Variants in CHLSN observed in about 807,000 individuals in gnomAD.
The protein encoded by CHLSN is cholesin, also known as protein cholesin.
At chr7:1,008,765 T>C in the CHLSN span, among the ~76,000 whole-genome samples, 2 of 151,862 alleles carry the variant, frequency 1.3e-5, no homozygotes, top group African/African-American at 4.8e-5. Context: ...CACACGTGCA[T>C]AAACACACAC....
At chr7:1,043,744 T>A in the CHLSN span, 1 of 152,254 alleles carries the variant, frequency 6.6e-6, no homozygotes, top group Non-Finnish European at 1.5e-5. Context: ...TCCAGGAAGG[T>A]GGCTGAGGTA....
chr7:1,036,451 G>C, the CHLSN span, among the ~76,000 whole-genome samples: 4 of 126,904 alleles, frequency 3.2e-5, no homozygotes, highest in South Asian at 5.1e-4. Context: ...TCGGGTGCTC[G>C]TGGTGTGGCC....
the CHLSN span, among the ~76,000 whole-genome samples, chr7:982,552 C>T: frequency 1.3e-5 from 2 of 152,268 alleles, no homozygotes; most frequent in Non-Finnish European, 2.9e-5. Flanking sequence ...CAGAGGGTTG[C>T]ATCCCCTGCC....
At chr7:993,319 C>T in the CHLSN span, among the ~76,000 whole-genome samples, 4 of 152,136 alleles carry the variant, frequency 2.6e-5, no homozygotes, top group Admixed American at 6.5e-5. Flanking sequence ...GAGCAAGAGC[C>T]GAGGGACTGG....
At chr7:1,127,193 C>A in the CHLSN span, 2 of 1,510,892 alleles carry the variant, frequency 1.3e-6, no homozygotes, top group East Asian at 2.3e-5. Context: ...CACCCCCTCT[C>A]CCTCCAGATC....
the CHLSN span, among the ~76,000 whole-genome samples, chr7:1,060,134 T>C: frequency 6.6e-6 from 1 of 152,078 alleles, no homozygotes; most frequent in East Asian, 1.9e-4. Context: ...TTGTAAAACA[T>C]CTACTTTAAA....
At chr7:1,028,603 G>C in the CHLSN span, 10 of 982,266 alleles carry the variant, frequency 1.0e-5, no homozygotes, top group African/African-American at 1.8e-5. Context: ...GCGCACCCCC[G>C]CCCGCGCAGG....
chr7:1,034,096 G>A, the CHLSN span, among the ~76,000 whole-genome samples: 1 of 152,250 alleles, frequency 6.6e-6, no homozygotes, highest in African/African-American at 2.4e-5. Context: ...GGTTCAGAAG[G>A]CATGGGACCG....
At chr7:996,332 T>A in the CHLSN span, among the ~76,000 whole-genome samples, 1 of 152,194 alleles carries the variant, frequency 6.6e-6, no homozygotes, top group Admixed American at 6.5e-5. Flanking sequence ...CAGCCTGACC[T>A]CAGCCTCAGG....
the CHLSN span, among the ~76,000 whole-genome samples, chr7:1,015,667 G>T: frequency 6.6e-6 from 1 of 152,222 alleles, no homozygotes; most frequent in Non-Finnish European, 1.5e-5. Flanking sequence ...TAACCCAGAG[G>T]GTTGGTGGGC....
the CHLSN span, among the ~76,000 whole-genome samples, chr7:1,001,018 G>A: frequency 1.3e-5 from 2 of 152,202 alleles, no homozygotes; most frequent in South Asian, 2.1e-4. Context: ...AGCAGCTCCC[G>A]GCTGCTAGAG....
the CHLSN span, among the ~76,000 whole-genome samples, chr7:1,022,433 A>C: frequency 1.3e-5 from 2 of 152,246 alleles, no homozygotes; most frequent in Non-Finnish European, 2.9e-5. Flanking sequence ...TTAGAATCCC[A>C]CGGCGTTAAC....
At chr7:1,018,785 A>G in the CHLSN span, among the ~76,000 whole-genome samples, 1 of 152,184 alleles carries the variant, frequency 6.6e-6, no homozygotes, top group Non-Finnish European at 1.5e-5. Flanking sequence ...CCTCAAAAAA[A>G]AAAATCAATA....
At chr7:1,020,828 G>A in the CHLSN span, among the ~76,000 whole-genome samples, 1 of 152,198 alleles carries the variant, frequency 6.6e-6, no homozygotes, top group Non-Finnish European at 1.5e-5. Flanking sequence ...TGAAACGGAG[G>A]AGTGCAGGGG....
chr7:1,101,649 G>A, the CHLSN span, among the ~76,000 whole-genome samples: 7 of 152,214 alleles, frequency 4.6e-5, no homozygotes, highest in Non-Finnish European at 7.3e-5. Context: ...GGACCGTCCC[G>A]TGTCCCAGCA....
chr7:993,740 G>A, the CHLSN span, among the ~76,000 whole-genome samples: 1 of 152,196 alleles, frequency 6.6e-6, no homozygotes, highest in Non-Finnish European at 1.5e-5. Flanking sequence ...TCATGCCACC[G>A]CACTCCAGCC....
chr7:1,068,726 C>G, the CHLSN span, among the ~76,000 whole-genome samples: 1 of 152,292 alleles, frequency 6.6e-6, no homozygotes, highest in South Asian at 2.1e-4. Flanking sequence ...TGCAACATAG[C>G]TTGTTTTGTC....
chr7:1,132,067 A>G, the CHLSN span, among the ~76,000 whole-genome samples: 1 of 152,258 alleles, frequency 6.6e-6, no homozygotes, highest in Non-Finnish European at 1.5e-5. Flanking sequence ...AAAATAGATC[A>G]AAGTCCTAAA....
At chr7:1,058,987 G>A in the CHLSN span, 1 of 186,860 alleles carries the variant, frequency 5.4e-6, no homozygotes, top group Admixed American at 5.4e-5. Context: ...GCCAGTGGGC[G>A]GCGTGTGCTA....
Sources: allele counts gnomAD v4.1 joint callset (sites outside exome capture counted in the v4.1 genomes callset), GRCh38; gene constraint gnomAD v4.1.1; transcripts MANE v1.5; gene names NCBI Gene and HGNC (gene_info 2026-07-23, HGNC 2026-07-21).